Variants in BOD1L1 observed in about 807,000 individuals in gnomAD.
The protein encoded by BOD1L1 is biorientation of chromosomes in cell division protein 1-like 1.
A neutral mutation model predicts 240.7 loss-of-function variants in BOD1L1; 86 were observed. The ratio of observed to expected loss-of-function variants is 0.36; its 90% CI spans 0.30 to 0.43. BOD1L1 has a LOEUF of 0.43. Among genes scored for constraint, BOD1L1 ranks in the 20% least tolerant of loss-of-function variants. BOD1L1 has a pLI of 1.00. For synonymous variants in BOD1L1, 1,268 were observed against 1,272.3 expected (o/e 1.00, Z 0.07); for missense variants, 3,554 against 3,643.5 (o/e 0.98, Z 0.63).
At chr4:13,617,489 T>C (rs1716706320) in intron 2 of BOD1L1, among the ~76,000 whole-genome samples, 1 of 152,128 alleles carries the variant, frequency 6.6e-6, no homozygotes, top group Non-Finnish European at 1.5e-5. Flanking sequence ...CTCACCCAAG[T>C]GGGGAGAAGC....
In BOD1L1 at chr4:13,601,966, A is replaced by G. The variant is rs1199320158; in HGVS notation, c.4934T>C (p.Val1645Ala). The G allele has an allele frequency of 1.2e-5, 20 of 1,613,836 alleles. No individual in the cohort carries two copies. The highest frequency in any genetic ancestry group is 1.5e-5 in the Non-Finnish European group (18 of 1,179,880). Residue 1645 changes from valine to alanine, a missense_variant, in exon 10 of 26, where the codon GTT becomes GCT. Transcript: ENST00000040738. ...AGCATCATCCTTTTCCTCTGTCACA[A>G]CGCTATTTACATTGGCTTCGATTTT... ...AVKIEANVNSVVTEEKDDAVT... is the reference protein window; with the variant it reads ...AVKIEANVNSAVTEEKDDAVT...
chr4:13,590,456 C>T lies in BOD1L1; in HGVS notation c.8149-10G>A, dbSNP rs1714112761. On this transcript the variant is annotated splice_polypyrimidine_tract_variant and intron_variant, in intron 13 of 25. Transcript: ENST00000040738. ...AGCCTGAATTTTCAACCTAAATATA[C>T]AATATAAAAGATATTTATGGATAGT... The T allele has an allele frequency of 7.1e-7, 1 of 1,400,718 alleles. No individual in the cohort carries two copies. Among genetic ancestry groups the T allele is most frequent in the East Asian group, 2.4e-5 (1 of 41,302 alleles). 86.8% of individuals were successfully genotyped at this position (1,400,718 alleles called of 1,614,324 possible).
At chr4:13,614,909 A>G in intron 3 of BOD1L1, 99 bp from the exon 4 acceptor site, 2 of 1,254,464 alleles carry the variant, frequency 1.6e-6, no homozygotes, top group Non-Finnish European at 2.2e-6. Context: ...TATGATGCAT[A>G]TGCTGTGCAG....
Position 13,603,766 on chromosome 4 carries a change from C to T in BOD1L1, c.3134G>A (p.Gly1045Asp). 1 of 1,613,694 alleles carries T rather than the reference C, an allele frequency of 6.2e-7. No individual in the cohort carries two copies. Among genetic ancestry groups the T allele is most frequent in the Non-Finnish European group, 8.5e-7 (1 of 1,179,842 alleles). ...TTCATGACTACTGTCAACTTCTTTA[C>T]CATCCTTGTCATCTGATTTATTTTC... ...KDENKSDDKD[G>D]KEVDSSHEKA... Residue 1045 changes from glycine (G) to aspartate (D), a missense_variant, in exon 10 of 26, where the codon GGT (glycine) becomes GAT (aspartate). Transcript: ENST00000040738.
chr4:13,621,164 T>C (rs897191586), intron 1 of BOD1L1, among the ~76,000 whole-genome samples: 4 of 152,300 alleles, frequency 2.6e-5, no homozygotes, highest in Admixed American at 2.0e-4. Flanking sequence ...TGAAGGGGCA[T>C]TGCCTGGAAG....
chr4:13,586,625 A>T (rs1215655489), intron 16 of BOD1L1, 150 bp from the exon 17 acceptor site: 1 of 481,978 alleles, frequency 2.1e-6, no homozygotes, highest in East Asian at 3.3e-5. Context: ...ATATCATGTG[A>T]TTTGAGCACT....
chr4:13,577,866 C>T, intron 22 of BOD1L1: 2 of 354,264 alleles, frequency 5.6e-6, no homozygotes, highest in Non-Finnish European at 1.0e-5. Flanking sequence ...TGCTGACCCT[C>T]AGTTTTTTCA....
intron 5 of BOD1L1, among the ~76,000 whole-genome samples, chr4:13,612,830 C>G (rs1716282960): frequency 6.6e-6 from 1 of 152,108 alleles, no homozygotes; most frequent in South Asian, 2.1e-4. Context: ...AGACTGAGAT[C>G]AGCCATATGG....
intron 13 of BOD1L1, among the ~76,000 whole-genome samples, chr4:13,591,553 C>T (rs948956673): frequency 6.6e-6 from 1 of 152,186 alleles, no homozygotes; most frequent in Non-Finnish European, 1.5e-5. Context: ...ATAGCAGTTA[C>T]AGGTTAGTAT....
intron 25 of BOD1L1, among the ~76,000 whole-genome samples, chr4:13,576,115 T>A (rs1365750160): frequency 6.6e-6 from 1 of 151,908 alleles, no homozygotes. Context: ...TTGACCAGGA[T>A]GGTCTCGATC....
intron 12 of BOD1L1, chr4:13,592,226 A>ACTATGGT: frequency 2.6e-6 from 1 of 387,674 alleles, no homozygotes; most frequent in Non-Finnish European, 4.6e-6. Context: ...ATATTACATC[A>ACTATGGT]CTATGGTGAT....
At chr4:13,623,104 T>C (rs143418715) in intron 1 of BOD1L1, among the ~76,000 whole-genome samples, 1 of 152,320 alleles carries the variant, frequency 6.6e-6, no homozygotes, top group African/African-American at 2.4e-5. Flanking sequence ...GAACAGCTTA[T>C]TCGAAATAAA....
chr4:13,573,948 A>C (rs1365774181), intron 25 of BOD1L1, among the ~76,000 whole-genome samples: 1 of 152,146 alleles, frequency 6.6e-6, no homozygotes, highest in Non-Finnish European at 1.5e-5. Context: ...AGTAGCTGGG[A>C]TTACAGGCAT....
chr4:13,615,574 A>G (rs1290712329), intron 2 of BOD1L1, 72 bp from the exon 3 acceptor site: 22 of 1,337,378 alleles, frequency 1.6e-5, no homozygotes, highest in Non-Finnish European at 2.0e-5. Context: ...TTAAAATAAC[A>G]CTCTACAATC....
At chr4:13,575,990 C>G (rs887637473) in intron 25 of BOD1L1, among the ~76,000 whole-genome samples, 1 of 149,856 alleles carries the variant, frequency 6.7e-6, no homozygotes, top group African/African-American at 2.5e-5. Context: ...GCAACCTCCG[C>G]CTCCCACGGT....
In BOD1L1 at chr4:13,600,859, C is replaced by T. The variant is rs1715082100; in HGVS notation, c.6041G>A (p.Gly2014Asp). Residue 2014 changes from glycine (G) to aspartate (D), a missense_variant, in exon 10 of 26, where the codon GGT (glycine) becomes GAT (aspartate). Gly to Asp is a moderately conservative substitution (Grantham distance 94, BLOSUM62 -1). This residue lies in a region of BOD1L1 where 3,393 missense variants were observed against 3,427.1 expected (regional missense o/e 0.99). Coordinates refer to ENST00000040738, the MANE Select transcript of BOD1L1 (RefSeq NM_148894.3). ...VGGSYDVLVS[G>D]EVPECEVAHT... ...AGCAACTTCACATTCTGGGACTTCA[C>T]CAGATACAAGAACATCGTAACTACC... 6.2e-7 allele frequency: 1 copy of T among 1,613,710 alleles called. No individual in the cohort carries two copies. The highest frequency in any genetic ancestry group is 8.5e-7 in the Non-Finnish European group (1 of 1,179,816).
At chr4:13,573,195 G>A (rs117267866) in intron 25 of BOD1L1, among the ~76,000 whole-genome samples, 1 of 152,268 alleles carries the variant, frequency 6.6e-6, no homozygotes, top group East Asian at 1.9e-4. Context: ...CAATTCACAA[G>A]GCTAAGTGTT....
In BOD1L1 at chr4:13,582,310, T is replaced by C. The variant is rs141975549; in HGVS notation, c.8519A>G (p.Asp2840Gly). The change falls in exon 19 of 26, where the codon GAT becomes GGT. Residue 2840 changes from aspartate to glycine, a missense_variant and splice_region_variant. This residue lies in a region of BOD1L1 where 3,393 missense variants were observed against 3,427.1 expected (regional missense o/e 0.99). Transcript: ENST00000040738. ...AGTAGTTTCACTGCTGCTATATTCA[T>C]CTGTAGAAAAGGAAGAACTTTGTTC... Reference protein sequence around the residue: ...STTSRVMEEKDEYSSSETTGE... With the variant: ...STTSRVMEEKGEYSSSETTGE... The C allele has an allele frequency of 6.4e-5, 104 of 1,612,490 alleles. No individual in the cohort carries two copies. In the African/African-American group the frequency reaches 1.2e-3, roughly 19 times the overall value.
chr4:13,596,751 G>A (rs1418840388), intron 11 of BOD1L1, among the ~76,000 whole-genome samples: 4 of 152,200 alleles, frequency 2.6e-5, no homozygotes, highest in Non-Finnish European at 4.4e-5. Context: ...AGAGGCTACT[G>A]AAGTAGTGGC....
Sources: gnomAD v4.1 joint callset for allele counts (sites outside exome capture counted in the v4.1 genomes callset) on GRCh38, gnomAD v4.1.1 for gene constraint, gnomAD v4.1.1 regional missense constraint, MANE v1.5 for transcripts, NCBI Gene and HGNC (gene_info 2026-07-23, HGNC 2026-07-21) for gene names.